The following CDH18 variants were observed in gnomAD, a reference collection of about 807,000 sequenced individuals.
The protein encoded by CDH18 is cadherin-18.
A neutral mutation model predicts 67.9 loss-of-function variants in CDH18; 31 were observed. The ratio of observed to expected loss-of-function variants is 0.46; its 90% CI spans 0.34 to 0.62. The LOEUF (loss-of-function observed/expected upper bound fraction) is 0.62. Among genes scored for constraint, CDH18 ranks in the 20% least tolerant of loss-of-function variants. CDH18 has a pLI of 0.01. For missense variants in CDH18, 890 were observed against 975.5 expected (o/e 0.91, Z 1.17); for synonymous variants, 362 against 347.2 (o/e 1.04, Z -0.48).
intron 2 of CDH18, among the ~76,000 whole-genome samples, chr5:20,068,991 T>A (rs1441145831): frequency 6.6e-6 from 1 of 152,176 alleles, no homozygotes; most frequent in Non-Finnish European, 1.5e-5. Context: ...TTTGCCCTTC[T>A]AATTCACCTC....
chr5:19,614,350 G>T (rs917763418), intron 5 of CDH18, among the ~76,000 whole-genome samples: 7 of 150,858 alleles, frequency 4.6e-5, no homozygotes, highest in Non-Finnish European at 1.0e-4. Flanking sequence ...AAGCTAAATA[G>T]AAATGAAAAT....
At chr5:20,325,033 T>C (rs1738421764) in intron 1 of CDH18, among the ~76,000 whole-genome samples, 1 of 152,220 alleles carries the variant, frequency 6.6e-6, no homozygotes, top group Non-Finnish European at 1.5e-5. Flanking sequence ...CCAAGCTTGC[T>C]TTATCTATCA....
At chr5:19,594,701 T>G (rs1745882748) in intron 6 of CDH18, among the ~76,000 whole-genome samples, 2 of 152,220 alleles carry the variant, frequency 1.3e-5, no homozygotes, top group South Asian at 4.1e-4. Flanking sequence ...GGCCTTTGTC[T>G]TTCCACATAT....
chr5:20,359,891 T>C (rs1278425235), intron 1 of CDH18, among the ~76,000 whole-genome samples: 1 of 151,834 alleles, frequency 6.6e-6, no homozygotes, highest in African/African-American at 2.4e-5. Context: ...GTTATTATTA[T>C]TTATAACTTT....
At chr5:20,414,456 G>A (rs187378751) in intron 1 of CDH18, among the ~76,000 whole-genome samples, 18 of 152,010 alleles carry the variant, frequency 1.2e-4, no homozygotes, top group Non-Finnish European at 2.2e-4. Context: ...ATAGACACTG[G>A]GCTTCCCAAA....
chr5:20,472,615 C>T (rs1158186464), intron 1 of CDH18, among the ~76,000 whole-genome samples: 2 of 152,164 alleles, frequency 1.3e-5, no homozygotes, highest in Non-Finnish European at 2.9e-5. Context: ...ATTCAACTTG[C>T]CAATGATTAT....
At chr5:20,342,245 C>A (rs888594759) in intron 1 of CDH18, among the ~76,000 whole-genome samples, 1 of 152,002 alleles carries the variant, frequency 6.6e-6, no homozygotes, top group Non-Finnish European at 1.5e-5. Context: ...GTGGGAGGAC[C>A]CTGATGAAGC....
chr5:20,463,324 A>G (rs772485701), intron 1 of CDH18, among the ~76,000 whole-genome samples: 2 of 152,016 alleles, frequency 1.3e-5, no homozygotes, highest in African/African-American at 2.4e-5. Context: ...GAGACAACTG[A>G]CAAGATGCAG....
At chr5:19,545,719 C>A (rs991995368) in intron 8 of CDH18, among the ~76,000 whole-genome samples, 1 of 151,982 alleles carries the variant, frequency 6.6e-6, no homozygotes, top group African/African-American at 2.4e-5. Context: ...ATAAAAAGAG[C>A]TGGGGAAAGG....
chr5:20,038,592 C>T (rs1193466775), intron 2 of CDH18, among the ~76,000 whole-genome samples: 1 of 152,066 alleles, frequency 6.6e-6, no homozygotes. Context: ...ATGACAAAAG[C>T]CATATGATTA....
chr5:19,740,339 CTGTTA>C (rs1429763226), intron 4 of CDH18, among the ~76,000 whole-genome samples: 1 of 151,748 alleles, frequency 6.6e-6, no homozygotes, highest in African/African-American at 2.4e-5. Context: ...ACATTGTGAT[CTGTTA>C]TATGATCTTT....
At position 19,512,642 on chromosome 5, in the gene CDH18, A is replaced by T. The variant is rs78252997; in HGVS notation, c.1512+8015T>A. Among the ~76,000 whole-genome samples, 13 of 152,272 alleles carry T rather than the reference A, an allele frequency of 8.5e-5. No individual in the cohort carries two copies. The East Asian group carries it at 2.5e-3, about 29-fold the overall frequency. ...GACCTGATATTTAGCAAATTTGTTA[A>T]TGTCATTCAAAAATTCTACCTGCGT... is the stretch of plus-strand genomic sequence containing the variant. On this transcript the variant is annotated intron_variant, in intron 10 of 12. Transcript: ENST00000382275.
intron 1 of CDH18, among the ~76,000 whole-genome samples, chr5:20,382,760 C>T (rs1744015596): frequency 6.6e-6 from 1 of 152,102 alleles, no homozygotes; most frequent in African/African-American, 2.4e-5. Flanking sequence ...TGGCTTTACT[C>T]TGTTTTATAA....
intron 2 of CDH18, among the ~76,000 whole-genome samples, chr5:20,093,234 CAT>C (rs1223405981): frequency 1.3e-5 from 2 of 151,916 alleles, no homozygotes; most frequent in Non-Finnish European, 1.5e-5. Flanking sequence ...CACATAAACA[CAT>C]ACACACACAC....
chr5:20,383,492 G>A (rs1328772765), intron 1 of CDH18, among the ~76,000 whole-genome samples: 4 of 152,224 alleles, frequency 2.6e-5, no homozygotes, highest in African/African-American at 7.2e-5. Context: ...ATTGAAATGC[G>A]GAATATCTAG....
chr5:19,730,001 C>A (rs1398888333), intron 4 of CDH18, among the ~76,000 whole-genome samples: 1 of 151,984 alleles, frequency 6.6e-6, no homozygotes, highest in East Asian at 1.9e-4. Context: ...TCTCTCCCTG[C>A]CTTTCTGTCT....
intron 3 of CDH18, among the ~76,000 whole-genome samples, chr5:19,806,101 T>C (rs80312812): frequency 0.011 from 1,696 of 152,314 alleles, 30 homozygotes; most frequent in African/African-American, 0.038. Context: ...GGATATGTAG[T>C]TCCTAAAATT....
At chr5:20,144,197 C>T (rs983633763) in intron 2 of CDH18, among the ~76,000 whole-genome samples, 4 of 151,562 alleles carry the variant, frequency 2.6e-5, no homozygotes, top group Non-Finnish European at 4.4e-5. Flanking sequence ...CAGACTTCCA[C>T]GGACAGCCTG....
At chr5:20,133,359 C>T (rs1252027684) in intron 2 of CDH18, among the ~76,000 whole-genome samples, 2 of 152,040 alleles carry the variant, frequency 1.3e-5, no homozygotes, top group Non-Finnish European at 2.9e-5. Flanking sequence ...GGATGAACTG[C>T]CCTTTATGAA....
Sources: gnomAD v4.1 joint callset for allele counts (sites outside exome capture counted in the v4.1 genomes callset) on GRCh38, gnomAD v4.1.1 for gene constraint, MANE v1.5 for transcripts, NCBI Gene and HGNC (gene_info 2026-07-23, HGNC 2026-07-21) for gene names.